SLC8A3: variants seen among roughly 807,000 people sequenced by gnomAD.
The protein encoded by SLC8A3 is solute carrier family 8 member A3.
Under a neutral mutation model 65.4 loss-of-function variants are expected in SLC8A3, and 37 were observed. The observed-to-expected ratio is 0.57, with a 90% CI of 0.44 to 0.74. SLC8A3 has a LOEUF of 0.74. SLC8A3 is among the 30% of genes least tolerant of loss of function. The probability of loss-of-function intolerance (pLI) is 0.00; values close to 1 mark genes in which losing one functional copy is unlikely to be tolerated. For missense variants in SLC8A3, 1,112 were observed against 1,172.1 expected (o/e 0.95, Z 0.75); for synonymous variants, 461 against 444.5 (o/e 1.04, Z -0.47).
At chr14:70,087,265 G>C (rs1594961787) in intron 2 of SLC8A3, among the ~76,000 whole-genome samples, 1 of 152,204 alleles carries the variant, frequency 6.6e-6, no homozygotes, top group African/African-American at 2.4e-5. Flanking sequence ...ATGTGAAGAA[G>C]AAGAACAGGA....
intron 2 of SLC8A3, among the ~76,000 whole-genome samples, chr14:70,116,061 A>G (rs1893637449): frequency 6.6e-6 from 1 of 151,944 alleles, no homozygotes; most frequent in Non-Finnish European, 1.5e-5. Context: ...GCAACAGGAG[A>G]TGATGAGAAG....
At chr14:70,134,978 A>G (rs558479491) in intron 2 of SLC8A3, among the ~76,000 whole-genome samples, 1 of 152,336 alleles carries the variant, frequency 6.6e-6, no homozygotes, top group South Asian at 2.1e-4. Context: ...AATCGTATAT[A>G]ACTGGAGTCC....
At chr14:70,183,577 C>T (rs986809644) in intron 1 of SLC8A3, among the ~76,000 whole-genome samples, 1 of 152,182 alleles carries the variant, frequency 6.6e-6, no homozygotes, top group Non-Finnish European at 1.5e-5. Context: ...AAGGCATCTG[C>T]CCAGTGTTGA....
In SLC8A3 at chr14:70,051,970, G is replaced by T; in HGVS notation, c.2013+20C>A. 1 of 1,606,252 alleles carries T rather than the reference G, an allele frequency of 6.2e-7. No individual in the cohort carries two copies. Among genetic ancestry groups the T allele is most frequent in the Non-Finnish European group, 8.5e-7 (1 of 1,173,702 alleles). On this transcript the variant is annotated intron_variant, in intron 4 of 6. Transcript: ENST00000356921. ...CTTTAATTTATTTATTATTCAATTA[G>T]ACCTCACTGTTTGCCTGACCTTGAA... is the stretch of plus-strand genomic sequence containing the variant.
In SLC8A3 at chr14:70,080,194, A is replaced by G. The variant is rs1267599029; in HGVS notation, c.1785-19255T>C. The G allele has an allele frequency of 2.2e-5, 22 of 985,334 alleles. No homozygotes were observed. In the East Asian group the frequency reaches 9.1e-4, roughly 41 times the overall value. 61.0% of individuals were successfully genotyped at this position (985,334 alleles called of 1,614,324 possible). A position where few individuals can be genotyped will look rare whatever the true frequency, so the allele number is the denominator to read the frequency against. On this transcript the variant is annotated intron_variant, in intron 2 of 6. Coordinates refer to ENST00000356921, the MANE Select transcript of SLC8A3 (RefSeq NM_182932.3). Reference sequence around the variant, plus strand: ...CCTAGGTTTTCGGCTCCATGCTGGAAGAGTTGATACTCAGACTATATTTAG... The same window carrying G: ...CCTAGGTTTTCGGCTCCATGCTGGAGGAGTTGATACTCAGACTATATTTAG...
chr14:70,125,311 C>T (rs1405814141), intron 2 of SLC8A3, among the ~76,000 whole-genome samples: 1 of 152,100 alleles, frequency 6.6e-6, no homozygotes, highest in Non-Finnish European at 1.5e-5. Context: ...AATTTTTCAT[C>T]ATTGACCCTC....
chr14:70,173,838 G>A (rs577314819), intron 1 of SLC8A3, among the ~76,000 whole-genome samples: 2 of 152,330 alleles, frequency 1.3e-5, no homozygotes, highest in African/African-American at 2.4e-5. Flanking sequence ...GAGAGACACA[G>A]GAATGAAGCT....
At chr14:70,128,065 C>G (rs540488609) in intron 2 of SLC8A3, among the ~76,000 whole-genome samples, 1 of 152,280 alleles carries the variant, frequency 6.6e-6, no homozygotes, top group South Asian at 2.1e-4. Context: ...ACCTTACAAA[C>G]TTGTTCCTCG....
chr14:70,084,769 C>T (rs1376833812), intron 2 of SLC8A3, among the ~76,000 whole-genome samples: 1 of 152,188 alleles, frequency 6.6e-6, no homozygotes, highest in African/African-American at 2.4e-5. Context: ...AAGAAACTGT[C>T]TCAGCTCAGA....
intron 1 of SLC8A3, among the ~76,000 whole-genome samples, chr14:70,179,581 A>T (rs1341527641): frequency 6.6e-6 from 1 of 152,210 alleles, no homozygotes; most frequent in African/African-American, 2.4e-5. Flanking sequence ...CTCAGAGTTC[A>T]GAGAGTTTTG....
chr14:70,049,463 T>A (rs1464231975), intron 5 of SLC8A3, among the ~76,000 whole-genome samples: 1 of 151,968 alleles, frequency 6.6e-6, no homozygotes, highest in Non-Finnish European at 1.5e-5. Flanking sequence ...GAGAGGAACA[T>A]CACACACTGG....
intron 2 of SLC8A3, among the ~76,000 whole-genome samples, chr14:70,071,624 C>T (rs759439112): frequency 6.6e-6 from 1 of 152,150 alleles, no homozygotes; most frequent in African/African-American, 2.4e-5. Flanking sequence ...CTCAGAGCCT[C>T]CAGATAAGAT....
At chr14:70,134,558 T>C (rs186840202) in intron 2 of SLC8A3, among the ~76,000 whole-genome samples, 1 of 152,230 alleles carries the variant, frequency 6.6e-6, no homozygotes, top group Admixed American at 6.5e-5. Context: ...TCCATAGGGG[T>C]ATTTTGTCAT....
At chr14:70,061,525 G>A (rs1888799972) in intron 2 of SLC8A3, among the ~76,000 whole-genome samples, 1 of 150,712 alleles carries the variant, frequency 6.6e-6, no homozygotes, top group African/African-American at 2.5e-5. Context: ...ACCAGACAGA[G>A]GAAGAGAAGA....
chr14:70,052,208 G>A, intron 3 of SLC8A3, 94 bp from the exon 4 acceptor site: 2 of 1,429,250 alleles, frequency 1.4e-6, no homozygotes, highest in African/African-American at 1.5e-5. Context: ...TGGGTACAAA[G>A]CAAATAACTC....
At chr14:70,120,337 G>A (rs1171827116) in intron 2 of SLC8A3, among the ~76,000 whole-genome samples, 1 of 152,254 alleles carries the variant, frequency 6.6e-6, no homozygotes, top group African/African-American at 2.4e-5. Context: ...GGAGTGTTTA[G>A]TCAGTGTGAC....
In SLC8A3 at chr14:70,048,906, G is replaced by T. The variant is rs1887117658; in HGVS notation, c.2250C>A (p.Ala750=). ...VPPTEYCHGW[A]CFAVSILIIG... is the part of the protein sequence containing the mutation. ...TGATGAGGATGGAGACGGCGAAGCA[G>T]GCCCAGCCGTGGCAGTACTCTGTGG... The change falls in exon 6 of 7, where the codon GCC becomes GCA. Residue 750 remains alanine, a synonymous_variant. Coordinates refer to ENST00000356921, the MANE Select transcript of SLC8A3 (RefSeq NM_182932.3). 1 of 1,614,090 alleles carries T rather than the reference G, an allele frequency of 6.2e-7. No homozygotes were observed.
chr14:70,166,434 A>G (rs1047302595), intron 2 of SLC8A3, among the ~76,000 whole-genome samples: 4 of 152,226 alleles, frequency 2.6e-5, no homozygotes, highest in African/African-American at 9.6e-5. Flanking sequence ...CCTTGCCCAG[A>G]AACAATTTAA....
At chr14:70,151,078 C>A (rs1019613593) in intron 2 of SLC8A3, among the ~76,000 whole-genome samples, 2 of 151,858 alleles carry the variant, frequency 1.3e-5, no homozygotes, top group Non-Finnish European at 2.9e-5. Flanking sequence ...CATGGTGAAA[C>A]CCCACCTCTG....
Sources: allele counts gnomAD v4.1 joint callset (sites outside exome capture counted in the v4.1 genomes callset), GRCh38; gene constraint gnomAD v4.1.1; transcripts MANE v1.5; gene names NCBI Gene and HGNC (gene_info 2026-07-23, HGNC 2026-07-21).